COMMD10: variants seen among roughly 807,000 people sequenced by gnomAD.
The protein encoded by COMMD10 is COMM domain containing 10.
COMMD10 carries 33 observed loss-of-function variants against 28.9 expected under a neutral mutation model. That is an observed-to-expected ratio of 1.14 (90% CI 0.87 to 1.53). The LOEUF (loss-of-function observed/expected upper bound fraction) is 1.53, where lower values mean the gene tolerates loss of function less well. Among genes scored for constraint, COMMD10 ranks in the 40% most tolerant of loss-of-function variants. COMMD10 has a pLI of 0.00. For missense variants in COMMD10, 310 were observed against 233.4 expected (o/e 1.33, Z -2.14); for synonymous variants, 110 against 81.7 (o/e 1.35, Z -1.87).
intron 5 of COMMD10, among the ~76,000 whole-genome samples, chr5:116,221,098 T>A (rs1447019005): frequency 7.5e-6 from 1 of 133,800 alleles, no homozygotes; most frequent in Non-Finnish European, 1.7e-5. Context: ...TTTTTTTTTT[T>A]AACTGTTCCA....
chr5:116,127,191 G>A (rs1331347875), intron 4 of COMMD10, among the ~76,000 whole-genome samples: 6 of 152,158 alleles, frequency 3.9e-5, no homozygotes, highest in Admixed American at 1.3e-4. Context: ...ATCATCACTG[G>A]CCATCAGAGA....
At chr5:116,287,974 A>G (rs1199397039) in intron 5 of COMMD10, among the ~76,000 whole-genome samples, 1 of 151,708 alleles carries the variant, frequency 6.6e-6, no homozygotes, top group Non-Finnish European at 1.5e-5. Context: ...CACATACTAA[A>G]TTTACAGTAT....
At chr5:116,154,485 C>G (rs1052139457) in intron 5 of COMMD10, among the ~76,000 whole-genome samples, 11 of 152,114 alleles carry the variant, frequency 7.2e-5, no homozygotes, top group Non-Finnish European at 1.0e-4. Context: ...GACCTGTTTT[C>G]TGAGAGTGCT....
intron 5 of COMMD10, among the ~76,000 whole-genome samples, chr5:116,145,300 G>A (rs1752311282): frequency 6.6e-6 from 1 of 151,808 alleles, no homozygotes; most frequent in Non-Finnish European, 1.5e-5. Flanking sequence ...TTTGAGAGGA[G>A]AACTGTTGGC....
chr5:116,226,193 C>T (rs1434719164), intron 5 of COMMD10, among the ~76,000 whole-genome samples: 1 of 151,772 alleles, frequency 6.6e-6, no homozygotes, highest in Non-Finnish European at 1.5e-5. Flanking sequence ...AGTTTGTTTG[C>T]TTTAATCTAG....
intron 5 of COMMD10, among the ~76,000 whole-genome samples, chr5:116,150,735 T>C (rs933282019): frequency 1.5e-5 from 2 of 135,472 alleles, no homozygotes; most frequent in Non-Finnish European, 3.2e-5. Flanking sequence ...TGAAGTTGCT[T>C]ATCAGCTTAA....
intron 5 of COMMD10, among the ~76,000 whole-genome samples, chr5:116,230,501 C>G (rs1241265919): frequency 6.6e-6 from 1 of 151,906 alleles, no homozygotes; most frequent in South Asian, 2.1e-4. Context: ...CTAATAAATA[C>G]CTGCTGAATT....
At chr5:116,206,367 G>A (rs1748813361) in intron 5 of COMMD10, among the ~76,000 whole-genome samples, 1 of 152,036 alleles carries the variant, frequency 6.6e-6, no homozygotes, top group Admixed American at 6.6e-5. Context: ...ATTGGAGACG[G>A]TGGTCGGGCA....
At chr5:116,261,727 G>T (rs1217116103) in intron 5 of COMMD10, among the ~76,000 whole-genome samples, 1 of 151,538 alleles carries the variant, frequency 6.6e-6, no homozygotes, top group Admixed American at 6.6e-5. Flanking sequence ...ACTTTTAGTG[G>T]TCTAACTTGT....
At chr5:116,148,968 A>G (rs1446451858) in intron 5 of COMMD10, among the ~76,000 whole-genome samples, 2 of 151,204 alleles carry the variant, frequency 1.3e-5, no homozygotes, top group Non-Finnish European at 2.9e-5. Context: ...ATCATGTAGC[A>G]TTAGGTATAT....
chr5:116,171,732 A>C (rs1479623403), intron 5 of COMMD10, among the ~76,000 whole-genome samples: 4 of 152,182 alleles, frequency 2.6e-5, no homozygotes, highest in African/African-American at 9.7e-5. Context: ...ACAGGAACAG[A>C]AAACCAAAGA....
intron 5 of COMMD10, among the ~76,000 whole-genome samples, chr5:116,282,791 A>T (rs973390939): frequency 6.6e-6 from 1 of 151,868 alleles, no homozygotes; most frequent in African/African-American, 2.4e-5. Context: ...GGCCACCCTC[A>T]TTGACTACAT....
rs181062209 is a variant in COMMD10 at position 116,281,220 on chromosome 5, A to G, written c.511-10297A>G. On this transcript the variant is annotated intron_variant, in intron 5 of 6. Coordinates refer to ENST00000274458, the MANE Select transcript of COMMD10 (RefSeq NM_016144.4). ...TGCATTTCTGTCTTGAAAAATGTAT[A>G]TGTGTTCCTAATTCCTAACTAATGG... 7.9e-5 allele frequency among the ~76,000 whole-genome samples: 12 copies of G among 151,782 alleles called. No individual in the cohort carries two copies. In the East Asian group the frequency reaches 2.1e-3, roughly 27 times the overall value.
chr5:116,091,337 A>C, intron 3 of COMMD10, 148 bp downstream of exon 3: 1 of 474,574 alleles, frequency 2.1e-6, no homozygotes, highest in Non-Finnish European at 3.8e-6. Flanking sequence ...TTCAGTGTAA[A>C]AATATTTGAA....
chr5:116,201,457 A>G (rs1322384622), intron 5 of COMMD10, among the ~76,000 whole-genome samples: 2 of 152,158 alleles, frequency 1.3e-5, no homozygotes, highest in Non-Finnish European at 2.9e-5. Flanking sequence ...GTTTTCTTAC[A>G]CTGGCACTAG....
intron 5 of COMMD10, among the ~76,000 whole-genome samples, chr5:116,166,446 A>C (rs1437803390): frequency 6.6e-6 from 1 of 152,142 alleles, no homozygotes; most frequent in Non-Finnish European, 1.5e-5. Flanking sequence ...AATAAATTGT[A>C]CCATCTAATA....
chr5:116,184,578 T>C (rs1425784407), intron 5 of COMMD10, among the ~76,000 whole-genome samples: 1 of 152,060 alleles, frequency 6.6e-6, no homozygotes, highest in Non-Finnish European at 1.5e-5. Flanking sequence ...AAATAAGATA[T>C]AATGAACACC....
intron 5 of COMMD10, among the ~76,000 whole-genome samples, chr5:116,281,207 T>A (rs1043718801): frequency 6.6e-6 from 1 of 151,784 alleles, no homozygotes; most frequent in African/African-American, 2.4e-5. Context: ...CATTTCTGTC[T>A]TGAAAAATGT....
intron 5 of COMMD10, among the ~76,000 whole-genome samples, chr5:116,266,834 A>G (rs1470134534): frequency 6.6e-6 from 1 of 151,910 alleles, no homozygotes; most frequent in Non-Finnish European, 1.5e-5. Flanking sequence ...AAACAGAACC[A>G]AAGACAAAAA....
Sources: gnomAD v4.1 joint callset for allele counts (sites outside exome capture counted in the v4.1 genomes callset) on GRCh38, gnomAD v4.1.1 for gene constraint, MANE v1.5 for transcripts, NCBI Gene and HGNC (gene_info 2026-07-23, HGNC 2026-07-21) for gene names.